The following NR2C2 variants were observed in gnomAD, a reference collection of about 807,000 sequenced individuals.
The protein encoded by NR2C2 is nuclear receptor subfamily 2 group C member 2.
A neutral mutation model predicts 62.9 loss-of-function variants in NR2C2; 6 were observed. The observed-to-expected ratio is 0.10, with a 90% CI of 0.05 to 0.19. The LOEUF (loss-of-function observed/expected upper bound fraction) is 0.19, where lower values mean the gene tolerates loss of function less well. NR2C2 is among the 10% of genes least tolerant of loss of function. The pLI, the probability that NR2C2 is intolerant of heterozygous loss-of-function variation, is 1.00. For missense variants in NR2C2, 479 were observed against 762.7 expected (o/e 0.63, Z 4.38); for synonymous variants, 272 against 273.8 (o/e 0.99, Z 0.07).
intron 9 of NR2C2, among the ~76,000 whole-genome samples, chr3:15,031,189 G>C (rs1394084480): frequency 6.6e-6 from 1 of 152,116 alleles, no homozygotes; most frequent in East Asian, 1.9e-4. Flanking sequence ...CATTGATCCT[G>C]ACTGCTCTGC....
rs2039534765 is a variant in NR2C2, at chr3:14,956,661, A to G, written c.-40+8755A>G. ...TAGGTTCAAGCCATTCTCCTGCCTC[A>G]GCCTCAAACAGCTGGAATTACAGGC... is the stretch of plus-strand genomic sequence containing the variant. On this transcript the variant is annotated intron_variant, in intron 1 of 13. Transcript: ENST00000425241. Among the ~76,000 whole-genome samples, 5 of 152,290 alleles carry G rather than the reference A, an allele frequency of 3.3e-5. No homozygotes were observed. In the South Asian group the frequency reaches 1.0e-3, roughly 32 times the overall value.
At chr3:14,955,887 A>G (rs1170899726) in intron 1 of NR2C2, among the ~76,000 whole-genome samples, 3 of 152,198 alleles carry the variant, frequency 2.0e-5, no homozygotes, top group African/African-American at 7.2e-5. Flanking sequence ...CTCTGATACT[A>G]TAAATATGTA....
chr3:14,954,488 A>G (rs1368705300), intron 1 of NR2C2, among the ~76,000 whole-genome samples: 2 of 152,224 alleles, frequency 1.3e-5, no homozygotes, highest in Admixed American at 6.5e-5. Context: ...CTAAGTGTTC[A>G]TCAGCTATAG....
At chr3:14,993,158 T>C (rs1192774783) in intron 1 of NR2C2, among the ~76,000 whole-genome samples, 1 of 152,154 alleles carries the variant, frequency 6.6e-6, no homozygotes, top group Non-Finnish European at 1.5e-5. Flanking sequence ...CAATAAAATA[T>C]TTCTGGGAAA....
chr3:14,979,272 A>G (rs1264686862), intron 1 of NR2C2, among the ~76,000 whole-genome samples: 1 of 152,234 alleles, frequency 6.6e-6, no homozygotes, highest in Non-Finnish European at 1.5e-5. Flanking sequence ...CAGGGAAAGT[A>G]TTACTATTAG....
At chr3:15,042,537 T>TTA (rs1490814833) in intron 13 of NR2C2, 1 of 274,562 alleles carries the variant, frequency 3.6e-6, no homozygotes, top group Non-Finnish European at 6.8e-6. Context: ...GACTCCTACT[T>TTA]TAGTCTGTCC....
intron 1 of NR2C2, among the ~76,000 whole-genome samples, chr3:14,982,029 C>T (rs1380497225): frequency 6.6e-6 from 1 of 152,152 alleles, no homozygotes; most frequent in East Asian, 1.9e-4. Flanking sequence ...GCAACACCCT[C>T]ACAAACACAC....
chr3:15,028,478 C>A, intron 7 of NR2C2, 108 bp from the exon 8 acceptor site: 1 of 991,320 alleles, frequency 1.0e-6, no homozygotes, highest in East Asian at 2.6e-5. Context: ...TGTAGTCACA[C>A]TTCCCTCTCC....
At chr3:15,001,318 G>GTTTTTTTTTTTTTTTTTTTTTTGTTT (rs61017075) in intron 1 of NR2C2, among the ~76,000 whole-genome samples, 13 of 97,506 alleles carry the variant, frequency 1.3e-4, no homozygotes, top group African/African-American at 3.1e-4. Context: ...TTTGTTTTGG[G>GTTTTTTTTTTTTTTTTTTTTTTGTTT]TTTTTTTTTT....
chr3:15,002,571 T>C (rs944607221), intron 1 of NR2C2, among the ~76,000 whole-genome samples: 1 of 151,678 alleles, frequency 6.6e-6, no homozygotes, highest in Admixed American at 6.6e-5. Context: ...TATCAGGTAA[T>C]ATTGGCCTCA....
At chr3:15,024,027 C>T in intron 6 of NR2C2, 88 bp from the exon 7 acceptor site, 1 of 948,124 alleles carries the variant, frequency 1.1e-6, no homozygotes, top group Admixed American at 2.0e-5. Flanking sequence ...GACAGCTTCA[C>T]AAATGTGGAA....
At chr3:15,005,244 T>A (rs1352205595) in intron 2 of NR2C2, among the ~76,000 whole-genome samples, 7 of 151,934 alleles carry the variant, frequency 4.6e-5, no homozygotes, top group Non-Finnish European at 7.4e-5. Flanking sequence ...TGGAGTGCAA[T>A]GGCGTGAACA....
chr3:14,949,494 A>G (rs2039277601), intron 1 of NR2C2, among the ~76,000 whole-genome samples: 1 of 152,256 alleles, frequency 6.6e-6, no homozygotes, highest in Non-Finnish European at 1.5e-5. Context: ...TGTGAAATAT[A>G]GCAACGGTAG....
chr3:14,969,004 G>T (rs1282739540), intron 1 of NR2C2, among the ~76,000 whole-genome samples: 1 of 114,460 alleles, frequency 8.7e-6, no homozygotes, highest in African/African-American at 3.3e-5. Context: ...GGGGAGGGGG[G>T]AGGGATAGCA....
intron 4 of NR2C2, among the ~76,000 whole-genome samples, chr3:15,020,102 A>G (rs1342138009): frequency 6.6e-6 from 1 of 152,258 alleles, no homozygotes; most frequent in Non-Finnish European, 1.5e-5. Context: ...TGTGTTTAAT[A>G]AATGCATTCC....
At chr3:14,991,055 T>G (rs1410810463) in intron 1 of NR2C2, among the ~76,000 whole-genome samples, 2 of 152,200 alleles carry the variant, frequency 1.3e-5, no homozygotes, top group Non-Finnish European at 2.9e-5. Context: ...GAGTGGTTGT[T>G]GACTTGGGAT....
intron 1 of NR2C2, among the ~76,000 whole-genome samples, chr3:14,964,813 T>C (rs1436567363): frequency 6.6e-6 from 1 of 152,132 alleles, no homozygotes; most frequent in Non-Finnish European, 1.5e-5. Flanking sequence ...TGAGCCACCG[T>C]GCCCGGCCAT....
Position 15,049,089 on chromosome 3 carries a change from ATATC to A in NR2C2, c.*6084_*6087del. ...GCATGTTCTTTTTAAACTGAATTTT[ATATC>A]TAATCAATGTCTTCAGTCTTGAAGA... On this transcript the variant is annotated 3_prime_UTR_variant, in exon 14 of 14. Coordinates refer to ENST00000425241, the MANE Select transcript of NR2C2 (RefSeq NM_001291694.2). 6.6e-6 allele frequency: 1 copy of A among 152,600 alleles called. No homozygotes were observed. The highest frequency in any genetic ancestry group is 1.5e-5 in the Non-Finnish European group (1 of 68,028). 9.5% of individuals were successfully genotyped at this position (152,600 alleles called of 1,614,324 possible).
chr3:15,021,626 G>T (rs2041669518), intron 5 of NR2C2, among the ~76,000 whole-genome samples: 1 of 152,184 alleles, frequency 6.6e-6, no homozygotes, highest in Non-Finnish European at 1.5e-5. Context: ...GTGGAGTTAG[G>T]CTTAAGCCAC....
Sources: allele counts gnomAD v4.1 joint callset (sites outside exome capture counted in the v4.1 genomes callset), GRCh38; gene constraint gnomAD v4.1.1; transcripts MANE v1.5; gene names NCBI Gene and HGNC (gene_info 2026-07-23, HGNC 2026-07-21).